Variants in SLC6A5 observed in about 807,000 individuals in gnomAD.
SLC6A5 encodes solute carrier family 6 member 5, also known as sodium- and chloride-dependent glycine transporter 2.
A neutral mutation model predicts 90.5 loss-of-function variants in SLC6A5; 58 were observed. That is an observed-to-expected ratio of 0.64 (90% CI 0.52 to 0.80). The LOEUF is 0.80. Ranked by LOEUF, SLC6A5 falls within the 30% of genes least tolerant of loss-of-function variation. The pLI, the probability that SLC6A5 is intolerant of heterozygous loss-of-function variation, is 0.00. For synonymous variants in SLC6A5, 427 were observed against 401.4 expected (o/e 1.06, Z -0.76); for missense variants, 1,015 against 1,017.6 (o/e 1.00, Z 0.03).
intron 5 of SLC6A5, among the ~76,000 whole-genome samples, chr11:20,614,015 T>C (rs1468456181): frequency 6.6e-6 from 1 of 152,170 alleles, no homozygotes; most frequent in African/African-American, 2.4e-5. Flanking sequence ...AGCACCACAC[T>C]GTCAGGTCCT....
chr11:20,610,157 C>G lies in SLC6A5; in HGVS notation c.985+2505C>G, dbSNP rs141549645. Among the ~76,000 whole-genome samples, 114 of 152,366 alleles carry G rather than the reference C, an allele frequency of 7.5e-4. 3 individuals are homozygous for G. In the East Asian group the frequency reaches 0.015, roughly 20 times the overall value. The stretch of plus-strand genomic sequence containing the variant: ...TTGCCCAAGTAAAGAGAATCCCATT[C>G]CACAGCTTCCAATTTAGCACGATCA... On this transcript the variant is annotated intron_variant, in intron 5 of 15. Transcript: ENST00000525748.
In SLC6A5 at chr11:20,626,734, G is replaced by A. The variant is rs536309591; in HGVS notation, c.1287G>A (p.Pro429=). The change falls in exon 8 of 16, where the codon CCG becomes CCA. Residue 429 remains proline, a synonymous_variant. Coordinates refer to ENST00000525748, the MANE Select transcript of SLC6A5 (RefSeq NM_004211.5). The part of the protein sequence containing the change: ...GKVVYFTATF[P]YVVLVILLIR... ...TGGTGTACTTCACGGCCACGTTCCC[G>A]TATGTCGTACTCGTGATCCTCCTCA... 15 of 1,614,084 alleles carry A rather than the reference G, an allele frequency of 9.3e-6. No homozygotes were observed. Among genetic ancestry groups the A allele is most frequent in the Admixed American group, 5.0e-5 (3 of 60,018 alleles).
At chr11:20,602,356 T>C (rs975734357) in intron 2 of SLC6A5, among the ~76,000 whole-genome samples, 1 of 152,228 alleles carries the variant, frequency 6.6e-6, no homozygotes, top group Non-Finnish European at 1.5e-5. Flanking sequence ...CCTTTACTAC[T>C]TAATTAGAGG....
chr11:20,642,401 T>G (rs1360304548), intron 13 of SLC6A5, among the ~76,000 whole-genome samples: 3 of 152,180 alleles, frequency 2.0e-5, no homozygotes, highest in Non-Finnish European at 4.4e-5. Flanking sequence ...CAGTTTGTCA[T>G]GGACTGATTT....
At chr11:20,601,731 G>A in intron 2 of SLC6A5, 66 bp downstream of exon 2, 1 of 1,530,464 alleles carries the variant, frequency 6.5e-7, no homozygotes. Context: ...AGGCCAGCCG[G>A]GCCGTGGCGG....
chr11:20,622,878 G>T (rs1852918505), intron 7 of SLC6A5, among the ~76,000 whole-genome samples: 1 of 152,176 alleles, frequency 6.6e-6, no homozygotes, highest in Non-Finnish European at 1.5e-5. Flanking sequence ...GTGCTGTTTT[G>T]GGGGCAGGAA....
At chr11:20,632,599 A>G (rs1359540585) in intron 10 of SLC6A5, among the ~76,000 whole-genome samples, 1 of 152,126 alleles carries the variant, frequency 6.6e-6, no homozygotes, top group Non-Finnish European at 1.5e-5. Context: ...CTCACAGGAG[A>G]AGGCCCATGA....
chr11:20,617,987 C>T (rs377547474), intron 7 of SLC6A5, 103 bp downstream of exon 7: 48 of 1,174,436 alleles, frequency 4.1e-5, no homozygotes, highest in East Asian at 3.5e-4. Flanking sequence ...GCTGTGGATG[C>T]TAATTCTGAC....
At chr11:20,640,885 T>G (rs1192480099) in intron 13 of SLC6A5, among the ~76,000 whole-genome samples, 1 of 152,102 alleles carries the variant, frequency 6.6e-6, no homozygotes, top group African/African-American at 2.4e-5. Flanking sequence ...TAGCCAGAAT[T>G]AAAAAAATAA....
At chr11:20,651,227 C>G (rs1853525388) in intron 14 of SLC6A5, among the ~76,000 whole-genome samples, 1 of 129,234 alleles carries the variant, frequency 7.7e-6, no homozygotes, top group Non-Finnish European at 1.6e-5. Flanking sequence ...CTCCACCCCC[C>G]ACCCCTCTTG....
intron 13 of SLC6A5, among the ~76,000 whole-genome samples, chr11:20,643,035 G>A (rs1006927543): frequency 1.3e-5 from 2 of 152,160 alleles, no homozygotes; most frequent in African/African-American, 4.8e-5. Flanking sequence ...GGGAGCTTGA[G>A]CACTTTTACC....
intron 7 of SLC6A5, 89 bp downstream of exon 7, chr11:20,617,973 A>G: frequency 7.4e-7 from 1 of 1,345,578 alleles, no homozygotes; most frequent in Non-Finnish European, 1.1e-6. Flanking sequence ...AAAGAGAGTC[A>G]GGAGCTGTGG....
chr11:20,656,523 G>T lies in SLC6A5; in HGVS notation c.*1655G>T, dbSNP rs1395701904. 1.3e-5 allele frequency: 2 copies of T among 151,796 alleles called. No homozygotes were observed. The highest frequency in any genetic ancestry group is 1.3e-4 in the Admixed American group (2 of 15,240). The allele number at this position is 151,796 out of a possible 1,614,324, so 9.4% of individuals were successfully genotyped here. A position where few individuals can be genotyped will look rare whatever the true frequency, so the allele number is the denominator to read the frequency against. ...CTTTAATGTACATTTTTTTTTAAAAGATTTCATTTGTTAAAAAAAGTCTCA... is the reference window on the plus strand; with the variant it reads ...CTTTAATGTACATTTTTTTTTAAAATATTTCATTTGTTAAAAAAAGTCTCA... On this transcript the variant is annotated 3_prime_UTR_variant, in exon 16 of 16. Transcript: ENST00000525748.
At chr11:20,651,305 G>T (rs958328298) in intron 14 of SLC6A5, among the ~76,000 whole-genome samples, 1 of 138,944 alleles carries the variant, frequency 7.2e-6, no homozygotes, top group Non-Finnish European at 1.5e-5. Flanking sequence ...ACCGAGACGC[G>T]CCCTATTGCC....
At chr11:20,628,732 G>A (rs773901185) in intron 9 of SLC6A5, among the ~76,000 whole-genome samples, 19 of 152,202 alleles carry the variant, frequency 1.2e-4, no homozygotes, top group Admixed American at 6.5e-4. Context: ...AAATCAGTCT[G>A]AACACCATTA....
chr11:20,646,955 C>T (rs1392767291), intron 14 of SLC6A5, 21 bp downstream of exon 14: 1 of 1,471,330 alleles, frequency 6.8e-7, no homozygotes, highest in East Asian at 2.3e-5. Flanking sequence ...TGCATGTTTT[C>T]TTGTGCAGAC....
intron 10 of SLC6A5, among the ~76,000 whole-genome samples, chr11:20,634,028 C>A (rs1307971155): frequency 6.6e-6 from 1 of 152,136 alleles, no homozygotes; most frequent in Non-Finnish European, 1.5e-5. Context: ...CCCCCCACTA[C>A]GCCCGGCTAA....
At chr11:20,620,309 ATCCTGGC>A (rs1215392433) in intron 7 of SLC6A5, among the ~76,000 whole-genome samples, 1 of 152,088 alleles carries the variant, frequency 6.6e-6, no homozygotes, top group Non-Finnish European at 1.5e-5. Flanking sequence ...CTTAGTTCAA[ATCCTGGC>A]TCTATCACTT....
chr11:20,623,367 C>A (rs1590166868), intron 7 of SLC6A5, among the ~76,000 whole-genome samples: 1 of 152,162 alleles, frequency 6.6e-6, no homozygotes, highest in East Asian at 1.9e-4. Context: ...CACCTTGACT[C>A]TTCTCTTTCT....
Sources: allele counts gnomAD v4.1 joint callset (sites outside exome capture counted in the v4.1 genomes callset), GRCh38; gene constraint gnomAD v4.1.1; transcripts MANE v1.5; gene names NCBI Gene and HGNC (gene_info 2026-07-23, HGNC 2026-07-21).